CCDC171: variants seen among roughly 807,000 people sequenced by gnomAD.
CCDC171 encodes coiled-coil domain-containing protein 171.
A neutral mutation model predicts 168.2 loss-of-function variants in CCDC171; 177 were observed. The observed-to-expected ratio is 1.05, with a 90% confidence interval of 0.93 to 1.19. The LOEUF (loss-of-function observed/expected upper bound fraction) is 1.19. Ranked by LOEUF, CCDC171 falls within the 50% of genes most tolerant of loss-of-function variation. The pLI, the probability that CCDC171 is intolerant of heterozygous loss-of-function variation, is 0.00. For synonymous variants in CCDC171, 687 were observed against 540.8 expected (o/e 1.27, Z -3.75); for missense variants, 1,991 against 1,539.0 (o/e 1.29, Z -4.91).
intron 24 of CCDC171, among the ~76,000 whole-genome samples, chr9:15,882,683 G>A (rs2995024): frequency 0.78 from 117,985 of 151,682 alleles, 46,655 homozygotes; most frequent in East Asian, 0.85. Context: ...TCCTCAATCT[G>A]TATCTTCTCC....
chr9:15,618,062 C>G (rs2044224943), intron 6 of CCDC171, among the ~76,000 whole-genome samples: 1 of 152,182 alleles, frequency 6.6e-6, no homozygotes, highest in African/African-American at 2.4e-5. Flanking sequence ...TTGTCAGGAT[C>G]AGCCGCTGTC....
chr9:15,614,270 T>C (rs2131900744), intron 6 of CCDC171, among the ~76,000 whole-genome samples: 1 of 152,308 alleles, frequency 6.6e-6, no homozygotes, highest in South Asian at 2.1e-4. Flanking sequence ...GCTGGGGCTT[T>C]TGGGGAGCTC....
chr9:15,806,211 T>C (rs1021286496), intron 21 of CCDC171, among the ~76,000 whole-genome samples: 6 of 152,188 alleles, frequency 3.9e-5, no homozygotes, highest in African/African-American at 9.7e-5. Flanking sequence ...TGTCTTTCAA[T>C]TGGGGCATTT....
rs1588072880 is a variant in CCDC171 at position 15,707,005 on chromosome 9, C to T, written c.1318+11668C>T. On this transcript the variant is annotated intron_variant, in intron 11 of 25. Transcript: ENST00000380701. ...TACTTCTTTCATAAAGGAATATTGC[C>T]TACACCTAGTATCCTCTTGAGAATT... is the stretch of plus-strand genomic sequence containing the variant. Among the ~76,000 whole-genome samples the T allele has an allele frequency of 3.9e-5, 6 of 152,174 alleles. No homozygotes were observed. In the South Asian group the frequency reaches 1.0e-3, roughly 26 times the overall value.
At chr9:15,710,315 CTT>C (rs2052565807) in intron 11 of CCDC171, among the ~76,000 whole-genome samples, 1 of 151,862 alleles carries the variant, frequency 6.6e-6, no homozygotes, top group African/African-American at 2.4e-5. Flanking sequence ...CTCTCTCTCT[CTT>C]TCTTTTTTGA....
intron 7 of CCDC171, among the ~76,000 whole-genome samples, chr9:15,641,281 C>T (rs2175082): frequency 0.4 from 60,897 of 152,010 alleles, 13,924 homozygotes; most frequent in East Asian, 0.76. Flanking sequence ...AGTATGTACT[C>T]ATGATAATTC....
At chr9:16,048,497 C>A (rs143512293) in intron 1 of CCDC171, among the ~76,000 whole-genome samples, 9 of 152,258 alleles carry the variant, frequency 5.9e-5, no homozygotes, top group African/African-American at 2.2e-4. Context: ...GTAACAGTGA[C>A]AACCCCCCTC....
At chr9:15,730,436 TA>T (rs2054082956) in intron 16 of CCDC171, among the ~76,000 whole-genome samples, 2 of 151,928 alleles carry the variant, frequency 1.3e-5, no homozygotes, top group African/African-American at 4.8e-5. Context: ...CATCTTCACC[TA>T]ATCAGGAATA....
intron 9 of CCDC171, among the ~76,000 whole-genome samples, chr9:15,673,120 A>T (rs554317027): frequency 6.6e-6 from 1 of 152,126 alleles, no homozygotes; most frequent in Non-Finnish European, 1.5e-5. Context: ...TGTAGCAATT[A>T]TGAATGGGAG....
intron 21 of CCDC171, among the ~76,000 whole-genome samples, chr9:15,788,767 G>A (rs2135550340): frequency 6.6e-6 from 1 of 151,862 alleles, no homozygotes; most frequent in South Asian, 2.1e-4. Flanking sequence ...GCCCAGTCCT[G>A]GTCTCAAACT....
At chr9:15,884,473 A>G (rs1455254343) in intron 24 of CCDC171, among the ~76,000 whole-genome samples, 2 of 152,232 alleles carry the variant, frequency 1.3e-5, no homozygotes, top group East Asian at 3.8e-4. Context: ...ATTGGCAACC[A>G]TAAGTCTGTG....
At chr9:15,788,944 G>A (rs764648275) in intron 21 of CCDC171, among the ~76,000 whole-genome samples, 4 of 151,664 alleles carry the variant, frequency 2.6e-5, no homozygotes, top group Non-Finnish European at 4.4e-5. Context: ...GCTAAATCTT[G>A]GATTAGACAT....
At chr9:15,755,195 C>T (rs2056023217) in intron 18 of CCDC171, among the ~76,000 whole-genome samples, 1 of 152,148 alleles carries the variant, frequency 6.6e-6, no homozygotes, top group Non-Finnish European at 1.5e-5. Context: ...TTCTTCTCTG[C>T]TGTCCTTAAC....
intron 10 of CCDC171, 107 bp downstream of exon 10, chr9:15,679,003 A>G: frequency 1.3e-6 from 1 of 769,258 alleles, no homozygotes; most frequent in South Asian, 2.2e-5. Context: ...TATGCAAGTT[A>G]TTTTAGTGAC....
intron 10 of CCDC171, among the ~76,000 whole-genome samples, chr9:15,679,988 T>C (rs2049931677): frequency 6.6e-6 from 1 of 152,324 alleles, no homozygotes; most frequent in South Asian, 2.1e-4. Context: ...TTGCAATCTG[T>C]GAAGCTTTCT....
the CCDC171 span, among the ~76,000 whole-genome samples, chr9:16,096,423 A>T: frequency 6.6e-6 from 1 of 152,182 alleles, no homozygotes; most frequent in South Asian, 2.1e-4. Flanking sequence ...AGAGGATTAT[A>T]TGCTGCTACA....
Position 15,644,277 on chromosome 9 carries a change from C to T in CCDC171, c.823-12850C>T, listed in dbSNP as rs867895320. Among the ~76,000 whole-genome samples, 205 of 152,228 alleles carry T rather than the reference C, an allele frequency of 1.3e-3. 2 individuals are homozygous for T. Among genetic ancestry groups the T allele is most frequent in the African/African-American group, 4.6e-3 (191 of 41,534 alleles). Reference sequence around the variant, plus strand: ...CCATCTGGTTTTGGTCCAAGATGGCCGAATAGGAACAGCTCCAGTCTACAG... The same window carrying T: ...CCATCTGGTTTTGGTCCAAGATGGCTGAATAGGAACAGCTCCAGTCTACAG... On this transcript the variant is annotated intron_variant, in intron 7 of 25. Coordinates refer to ENST00000380701, the MANE Select transcript of CCDC171 (RefSeq NM_173550.4).
chr9:15,923,300 C>T (rs539875036), intron 25 of CCDC171, among the ~76,000 whole-genome samples: 3 of 151,174 alleles, frequency 2.0e-5, no homozygotes, highest in African/African-American at 7.3e-5. Flanking sequence ...AGTATATATA[C>T]ATAATAAATA....
At chr9:15,967,629 A>C (rs1259955252) in intron 25 of CCDC171, among the ~76,000 whole-genome samples, 1 of 152,320 alleles carries the variant, frequency 6.6e-6, no homozygotes, top group East Asian at 1.9e-4. Flanking sequence ...GAAAGAGTCC[A>C]GCCCCTCATT....
Sources: allele counts gnomAD v4.1 joint callset (sites outside exome capture counted in the v4.1 genomes callset), GRCh38; gene constraint gnomAD v4.1.1; transcripts MANE v1.5; gene names NCBI Gene and HGNC (gene_info 2026-07-23, HGNC 2026-07-21).